Variants in NBPF12 observed in about 807,000 individuals in gnomAD.
NBPF12 encodes the protein NBPF family member NBPF12.
In NBPF12, 115 loss-of-function variants were observed where a neutral mutation model predicts 146.4. The observed-to-expected ratio is 0.79, with a 90% CI of 0.68 to 0.92. The LOEUF is 0.92. NBPF12 is among the 40% of genes least tolerant of loss of function. The pLI, the probability that NBPF12 is intolerant of heterozygous loss-of-function variation, is 0.00. For missense variants in NBPF12, 1,205 were observed against 1,326.8 expected, an observed-to-expected ratio of 0.91 and a Z score of 1.43; for synonymous variants, 385 against 508.9, an observed-to-expected ratio of 0.76 and a Z score of 3.28.
intron 14 of NBPF12, among the ~76,000 whole-genome samples, chr1:146,974,076 T>G (rs1322718212): frequency 6.6e-6 from 1 of 150,714 alleles, no homozygotes; most frequent in African/African-American, 2.5e-5. Context: ...CATCAGCTAT[T>G]TCTTGTCAAT....
In NBPF12 at chr1:146,964,574, G is replaced by A. The variant is rs1553885277; in HGVS notation, c.566+145G>A. On this transcript the variant is annotated intron_variant, in intron 7 of 33. Coordinates refer to ENST00000617844, the Ensembl canonical transcript of NBPF12. Reference sequence around the variant, plus strand: ...GAAATTCAACCCAGCTTAGACACAGGGTGCGACAGCTGTCATGTTTCTCTA... The same window carrying A: ...GAAATTCAACCCAGCTTAGACACAGAGTGCGACAGCTGTCATGTTTCTCTA... 2.4e-3 allele frequency: 3,245 copies of A among 1,345,794 alleles called. 6 individuals carry two copies. Among genetic ancestry groups the A allele is most frequent in the Non-Finnish European group, 3.2e-3 (2,968 of 940,040 alleles). The allele number at this position is 1,345,794 out of a possible 1,614,324, so 83.4% of individuals were successfully genotyped here. A position where few individuals can be genotyped will look rare whatever the true frequency, so the allele number is the denominator to read the frequency against.
intron 4 of NBPF12, among the ~76,000 whole-genome samples, chr1:146,961,569 C>G (rs1178365801): frequency 6.7e-6 from 1 of 148,910 alleles, no homozygotes; most frequent in African/African-American, 2.6e-5. Context: ...TAATCTAAAT[C>G]TTAATGCTGC....
chr1:146,954,940 G>A (rs1451139947), intron 2 of NBPF12, among the ~76,000 whole-genome samples: 1 of 102,108 alleles, frequency 9.8e-6, no homozygotes, highest in Non-Finnish European at 2.0e-5. Flanking sequence ...TATATTCACC[G>A]TTTTGAAGAT....
At chr1:146,942,123 G>C (rs1286983183) in intron 1 of NBPF12, among the ~76,000 whole-genome samples, 4 of 150,922 alleles carry the variant, frequency 2.7e-5, no homozygotes, top group African/African-American at 4.9e-5. Context: ...CTCCCAAAGT[G>C]CTGGGATTAC....
Position 146,957,010 on chromosome 1 carries a change from GA to G in NBPF12, c.-183-2848del, listed in dbSNP as rs1403794150. On this transcript the variant is annotated intron_variant, in intron 2 of 33. Transcript: ENST00000617844. ...ATATGCCCACATATGTACAGTTATTGATTTTTTTTAGTAGAATCTTTTTTAT... is the reference window on the plus strand; with the variant it reads ...ATATGCCCACATATGTACAGTTATTGTTTTTTTTAGTAGAATCTTTTTTAT... The G allele has an allele frequency of 6.1e-5, 8 of 131,300 alleles. 2 individuals carry two copies. In the East Asian group the frequency reaches 2.1e-3, roughly 34 times the overall value. The allele number at this position is 131,300 out of a possible 1,614,324, so 8.1% of individuals were successfully genotyped here.
At chr1:146,951,272 C>A (rs1479848824) in intron 1 of NBPF12, 76 bp from the exon 5 acceptor site, 5 of 717,690 alleles carry the variant, frequency 7.0e-6, no homozygotes, top group Non-Finnish European at 1.2e-5. Flanking sequence ...GCCCTGGGGT[C>A]ATGGTAAGAA....
intron 6 of NBPF12, among the ~76,000 whole-genome samples, chr1:146,963,642 A>C (rs1315196755): frequency 0.013 from 1,910 of 152,012 alleles, 51 homozygotes; most frequent in African/African-American, 0.044. Flanking sequence ...GAAGGTTCCC[A>C]GGCTGTCTTT....
At chr1:146,938,692 C>T (rs1351992126), upstream of NBPF12, 1 of 152,136 alleles carries the variant, frequency 6.6e-6, no homozygotes, top group East Asian at 1.9e-4. Flanking sequence ...AGCCGGGTCC[C>T]TTTAAGGCCC....
chr1:146,943,758 A>T (rs1293281980), intron 2 of NBPF12, among the ~76,000 whole-genome samples, 196 bp downstream of exon 2: 1 of 151,866 alleles, frequency 6.6e-6, no homozygotes, highest in Non-Finnish European at 1.5e-5. Context: ...TTGTAGTGCC[A>T]TGGTCGGGTG....
At chr1:146,938,566 C>A (rs1434106647), upstream of NBPF12, among the ~76,000 whole-genome samples, 1 of 152,122 alleles carries the variant, frequency 6.6e-6, no homozygotes, top group Non-Finnish European at 1.5e-5. Context: ...TCTCCGCCCG[C>A]GGCCCGAACC....
intron 6 of NBPF12, 33 bp downstream of exon 9, chr1:146,963,342 C>T (rs1655979562): frequency 1.2e-6 from 2 of 1,609,652 alleles, no homozygotes; most frequent in South Asian, 1.1e-5. Context: ...TGACCCAAAA[C>T]CCCAGGCTTA....
intron 30 of NBPF12, 75 bp downstream of exon 33, chr1:146,991,360 GC>G (rs1266848955): frequency 6.5e-6 from 6 of 920,710 alleles, no homozygotes; most frequent in Non-Finnish European, 1.0e-5. Context: ...GTTCCAAGTG[GC>G]CCTTACTGAC....
intron 4 of NBPF12, among the ~76,000 whole-genome samples, chr1:146,961,482 A>G (rs1223593728): frequency 1.3e-5 from 2 of 152,234 alleles, no homozygotes; most frequent in South Asian, 2.1e-4. Context: ...GGCACAGTGT[A>G]AACACTATTA....
At chr1:146,972,624 T>G in intron 13 of NBPF12, 127 bp from the exon 17 acceptor site, 1 of 896,474 alleles carries the variant, frequency 1.1e-6, no homozygotes, top group Admixed American at 1.8e-5. Context: ...ATGACAAGGG[T>G]GAAACCAGGG....
At chr1:146,938,996 G>C (rs1654654028) in intron 1 of NBPF12, 1 of 152,336 alleles carries the variant, frequency 6.6e-6, no homozygotes, top group African/African-American at 2.4e-5. Flanking sequence ...AGGGCGCCGC[G>C]CCAGGCCGGG....
chr1:146,964,335 A>T, intron 6 of NBPF12, 22 bp from the exon 10 acceptor site: 3 of 1,594,314 alleles, frequency 1.9e-6, no homozygotes, highest in Non-Finnish European at 2.6e-6. Context: ...GACATATCTG[A>T]ATGAACATTT....
At chr1:146,995,680 A>G (rs1658498100) in exon 34 of NBPF12, 1 of 149,790 alleles carries the variant, frequency 6.7e-6, no homozygotes, top group Non-Finnish European at 1.5e-5. Context: ...CACTGCAGAG[A>G]CAATGCTGTG....
chr1:146,976,191 G>C (rs2101890916), intron 16 of NBPF12, among the ~76,000 whole-genome samples: 1 of 151,626 alleles, frequency 6.6e-6, no homozygotes, highest in African/African-American at 2.4e-5. Context: ...TTGTTAGAGT[G>C]AAAAGAGCTC....
At chr1:146,966,720 G>T in intron 9 of NBPF12, 47 bp downstream of exon 12, 7 of 1,057,282 alleles carry the variant, frequency 6.6e-6, no homozygotes, top group Non-Finnish European at 8.9e-6. Context: ...ACAACGTCCT[G>T]TCTTCTCTCT....
Sources: gnomAD v4.1 joint callset for allele counts (sites outside exome capture counted in the v4.1 genomes callset) on GRCh38, gnomAD v4.1.1 for gene constraint, MANE v1.5 for transcripts, NCBI Gene and HGNC (gene_info 2026-07-23, HGNC 2026-07-21) for gene names.